Variants in ZNF841 observed in about 807,000 individuals in gnomAD.
ZNF841 encodes zinc finger protein 841.
A neutral mutation model predicts 13.0 loss-of-function variants in ZNF841; 11 were observed. The ratio of observed to expected loss-of-function variants is 0.85; its 90% CI spans 0.53 to 1.40. The LOEUF (loss-of-function observed/expected upper bound fraction) is 1.40. ZNF841 is among the 40% of genes most tolerant of loss of function. The pLI is 0.00. For synonymous variants in ZNF841, 369 were observed against 381.6 expected (o/e 0.97, Z 0.38); for missense variants, 1,068 against 1,139.5 (o/e 0.94, Z 0.90).
intron 3 of ZNF841, among the ~76,000 whole-genome samples, chr19:52,086,164 G>C (rs1370347749): frequency 6.6e-6 from 1 of 152,186 alleles, no homozygotes; most frequent in Admixed American, 6.5e-5. Context: ...GAGACGTGTA[G>C]GTGGGTAGGT....
chr19:52,064,343 A>C (rs2087461086), downstream of ZNF841: 1 of 117,812 alleles, frequency 8.5e-6, no homozygotes, highest in South Asian at 3.3e-4. Context: ...ACAGAGCGAG[A>C]CTCCGTCTCC....
Position 52,066,919 on chromosome 19 carries a change from T to C in ZNF841, c.963A>G (p.Val321=), listed in dbSNP as rs187838246. 2 of 1,614,192 alleles carry C rather than the reference T, an allele frequency of 1.2e-6. No individual in the cohort carries two copies. Among genetic ancestry groups the C allele is most frequent in the Admixed American group, 1.7e-5 (1 of 60,028 alleles). The change falls in exon 7 of 7, where the codon GTA becomes GTG. Residue 321 remains valine (V), a synonymous_variant. Transcript: ENST00000594440. ...HTRGKPYQCD[V]CGRIFRQNSD... ...AATTTTGTCTGAAGATCCTGCCACA[T>C]ACATCACATTGGTATGGTTTCCCTC... is the stretch of plus-strand genomic sequence containing the variant.
At chr19:52,086,710 G>A (rs2088288143) in intron 3 of ZNF841, among the ~76,000 whole-genome samples, 1 of 152,194 alleles carries the variant, frequency 6.6e-6, no homozygotes, top group Non-Finnish European at 1.5e-5. Flanking sequence ...TTCAGAGTCA[G>A]GACACAGCAG....
downstream of ZNF841, among the ~76,000 whole-genome samples, chr19:52,060,243 G>C (rs117787675): frequency 7.1e-3 from 1,085 of 152,288 alleles, 39 homozygotes; most frequent in East Asian, 0.11. Flanking sequence ...ACATATTCTG[G>C]TGAGCTAGCC....
Position 52,065,155 on chromosome 19 carries a change from A to G in ZNF841, c.2727T>C (p.Asn909=). The change falls in exon 7 of 7, where the codon AAT becomes AAC. Residue 909 remains asparagine (N), a synonymous_variant. Coordinates refer to ENST00000594440, the MANE Select transcript of ZNF841 (RefSeq NM_001136499.2). ...GGACAACATCTAACGGCCTTTCCAC[A>G]TTGAGTTTAGTTGTAAGGTTCTCTC... ...HAGENLTTKL[N]VERPLDVVLT... is the part of the protein sequence containing the mutation. The G allele has an allele frequency of 2.5e-6, 4 of 1,571,080 alleles. No homozygotes were observed. Among genetic ancestry groups the G allele is most frequent in the Non-Finnish European group, 3.4e-6 (4 of 1,159,628 alleles).
chr19:52,083,439 A>C (rs933694785), intron 4 of ZNF841, among the ~76,000 whole-genome samples: 7 of 152,042 alleles, frequency 4.6e-5, no homozygotes, highest in Non-Finnish European at 1.5e-5. Context: ...AAAAAAAAAA[A>C]AAATACTACT....
chr19:52,092,677 T>G (rs4566288), intron 2 of ZNF841, among the ~76,000 whole-genome samples: 67,418 of 152,062 alleles, frequency 0.44, 16,244 homozygotes, highest in South Asian at 0.63. Flanking sequence ...CCAGTATCTT[T>G]AAGAGACATC....
chr19:52,070,300 C>T (rs1266338234), intron 6 of ZNF841, among the ~76,000 whole-genome samples: 1 of 151,922 alleles, frequency 6.6e-6, no homozygotes, highest in Non-Finnish European at 1.5e-5. Flanking sequence ...ACAAAGGGGG[C>T]GAATGCGGGA....
In ZNF841 at chr19:52,077,069, T is replaced by C. The variant is rs764801186; in HGVS notation, c.31A>G (p.Arg11Gly). Residue 11 changes from arginine (R) to glycine (G), a missense_variant, in exon 5 of 7, where the codon AGG becomes GGG. Arg to Gly is a moderately radical substitution (Grantham distance 125, BLOSUM62 -2). Transcript: ENST00000594440. Reference protein sequence around the residue: MALPQGSLTFRDVAVEFSQEE... With the variant: MALPQGSLTFGDVAVEFSQEE... The stretch of plus-strand genomic sequence containing the variant: ...TGAGAGAATTCTACAGCCACATCCC[T>C]GAATGTCAAAGATCCCTGAAATGAA... The C allele has an allele frequency of 4.3e-6, 7 of 1,610,226 alleles. No homozygotes were observed. The highest frequency in any genetic ancestry group is 2.2e-5 in the East Asian group (1 of 44,780).
intron 4 of ZNF841, among the ~76,000 whole-genome samples, chr19:52,083,918 A>G (rs2088186070): frequency 6.6e-6 from 1 of 151,298 alleles, no homozygotes. Flanking sequence ...CTTATGTTGC[A>G]TCACCTTCTT....
chr19:52,089,950 A>C (rs2088417310), intron 2 of ZNF841, among the ~76,000 whole-genome samples: 1 of 152,134 alleles, frequency 6.6e-6, no homozygotes, highest in Non-Finnish European at 1.5e-5. Context: ...GAGTGTACAC[A>C]AACTGCAAAC....
chr19:52,079,097 T>C (rs1269760872), intron 4 of ZNF841, among the ~76,000 whole-genome samples: 1 of 140,982 alleles, frequency 7.1e-6, no homozygotes, highest in Non-Finnish European at 1.5e-5. Flanking sequence ...CATTTACTTA[T>C]TTATTTTGTA....
At chr19:52,075,103 C>G (rs2087857711) in intron 6 of ZNF841, among the ~76,000 whole-genome samples, 1 of 152,142 alleles carries the variant, frequency 6.6e-6, no homozygotes, top group Non-Finnish European at 1.5e-5. Context: ...CAATAGTCCA[C>G]AAGATATTCA....
chr19:52,074,715 C>T (rs1217877958), intron 6 of ZNF841, among the ~76,000 whole-genome samples: 1 of 152,128 alleles, frequency 6.6e-6, no homozygotes, highest in African/African-American at 2.4e-5. Context: ...CGGGGTTTCA[C>T]CAAGTTGGCC....
chr19:52,093,673 T>C (rs1302183159), intron 2 of ZNF841, among the ~76,000 whole-genome samples, 173 bp downstream of exon 2: 1 of 152,200 alleles, frequency 6.6e-6, no homozygotes, highest in African/African-American at 2.4e-5. Flanking sequence ...CAGCTGATTA[T>C]TGGATGCCAC....
At chr19:52,081,037 G>C (rs1455261500) in intron 4 of ZNF841, among the ~76,000 whole-genome samples, 1 of 152,176 alleles carries the variant, frequency 6.6e-6, no homozygotes, top group African/African-American at 2.4e-5. Context: ...TCTTGGCTTT[G>C]AAGAACTAAA....
chr19:52,065,587 G>A lies in ZNF841; in HGVS notation c.2295C>T (p.Tyr765=), dbSNP rs1178547887. The part of the protein sequence containing the change: ...HRRIHTGEKP[Y]KCNECGKVFR... ...AGACCTTGCCACATTCATTACATTT[G>A]TAAGGTTTCTCTCCAGTATGAATTC... The change falls in exon 7 of 7, where the codon TAC becomes TAT. Residue 765 remains tyrosine (Y), a synonymous_variant. Transcript: ENST00000594440. 1 of 1,613,692 alleles carries A rather than the reference G, an allele frequency of 6.2e-7. No individual in the cohort carries two copies. The highest frequency in any genetic ancestry group is 1.1e-5 in the South Asian group (1 of 91,022).
chr19:52,095,532 CAG>C (rs1861089546), intron 1 of ZNF841, 41 bp downstream of exon 1: 1 of 152,334 alleles, frequency 6.6e-6, no homozygotes, highest in Non-Finnish European at 1.5e-5. Flanking sequence ...GGAACGGCCT[CAG>C]AGAGATTTTA....
rs772944893 is a variant in ZNF841 at position 52,066,974 on chromosome 19, A to G, written c.908T>C (p.Leu303Pro). The G allele has an allele frequency of 1.9e-6, 3 of 1,614,028 alleles. No individual in the cohort carries two copies. The highest frequency in any genetic ancestry group is 1.3e-5 in the African/African-American group (1 of 74,924). The stretch of plus-strand genomic sequence containing the variant: ...ATGGACTATCTGATGTACTGTTAGT[A>G]GTGAGCCCCGATGAAAGGCTTTACC... The part of the protein sequence containing the change: ...ESGKAFHRGS[L>P]LTVHQIVHTR... The change falls in exon 7 of 7, where the codon CTA becomes CCA. Residue 303 changes from leucine (L) to proline (P), a missense_variant. Leu to Pro is a moderately conservative substitution (Grantham distance 98). Coordinates refer to ENST00000594440, the MANE Select transcript of ZNF841 (RefSeq NM_001136499.2).
Sources: gnomAD v4.1 joint callset for allele counts (sites outside exome capture counted in the v4.1 genomes callset) on GRCh38, gnomAD v4.1.1 for gene constraint, MANE v1.5 for transcripts, NCBI Gene and HGNC (gene_info 2026-07-23, HGNC 2026-07-21) for gene names.